Variants in ZNF558 observed in about 807,000 individuals in gnomAD.
The protein encoded by ZNF558 is zinc finger protein 558.
In ZNF558, 23 loss-of-function variants were observed where a neutral mutation model predicts 37.6. The ratio of observed to expected loss-of-function variants is 0.61; its 90% CI spans 0.44 to 0.87. The LOEUF (loss-of-function observed/expected upper bound fraction) is 0.87. Ranked by LOEUF, ZNF558 falls within the 40% of genes least tolerant of loss-of-function variation. The pLI is 0.00. For synonymous variants in ZNF558, 189 were observed against 174.4 expected, an observed-to-expected ratio of 1.08 and a Z score of -0.66; for missense variants, 429 against 483.7, an observed-to-expected ratio of 0.89 and a Z score of 1.06.
intron 2 of ZNF558, among the ~76,000 whole-genome samples, chr19:8,825,867 T>A (rs555450226): frequency 6.6e-6 from 1 of 152,258 alleles, no homozygotes; most frequent in South Asian, 2.1e-4. Flanking sequence ...CTCCCTTACA[T>A]GGCAAAAGGG....
At position 8,809,898 on chromosome 19, in the gene ZNF558, A is replaced by G. The variant is rs968775776; in HGVS notation, c.*1383T>C. The G allele has an allele frequency of 5.9e-5, 9 of 152,192 alleles. No individual in the cohort carries two copies. The highest frequency in any genetic ancestry group is 4.6e-4 in the Admixed American group (7 of 15,276). The allele number at this position is 152,192 out of a possible 1,614,324, so 9.4% of individuals were successfully genotyped here. A position where few individuals can be genotyped will look rare whatever the true frequency, so the allele number is the denominator to read the frequency against. On this transcript the variant is annotated 3_prime_UTR_variant, in exon 10 of 10. Coordinates refer to ENST00000601372, the MANE Select transcript of ZNF558 (RefSeq NM_144693.3). ...CAGTGAAAATTGTGGCCACTCAGTG[A>G]AGAGTTCAGGCTGAGGCATCCTAAC...
chr19:8,826,161 C>G (rs962722506), intron 2 of ZNF558, among the ~76,000 whole-genome samples: 4 of 152,066 alleles, frequency 2.6e-5, no homozygotes, highest in African/African-American at 4.8e-5. Flanking sequence ...GGGTTCTCCC[C>G]TAGAGCCTCT....
At chr19:8,813,354 CT>C in intron 7 of ZNF558, 132 bp from the exon 8 acceptor site, 1 of 686,574 alleles carries the variant, frequency 1.5e-6, no homozygotes, top group Non-Finnish European at 2.5e-6. Context: ...TGCCTTAATT[CT>C]TTTCTTTTTT....
intron 1 of ZNF558, among the ~76,000 whole-genome samples, 189 bp from the exon 2 acceptor site, chr19:8,831,590 G>T (rs1028993647): frequency 1.3e-5 from 2 of 152,202 alleles, no homozygotes; most frequent in Admixed American, 6.5e-5. Context: ...CATCTGCTCC[G>T]TAAGAGGGGA....
chr19:8,828,965 TAAA>T (rs568078273), intron 2 of ZNF558, among the ~76,000 whole-genome samples: 1 of 129,484 alleles, frequency 7.7e-6, no homozygotes, highest in African/African-American at 2.9e-5. Context: ...TCTGTCTCAT[TAAA>T]AAAAAAAAAA....
At chr19:8,830,658 G>C (rs2044329787) in intron 2 of ZNF558, 1 of 152,224 alleles carries the variant, frequency 6.6e-6, no homozygotes, top group Non-Finnish European at 1.5e-5. Flanking sequence ...TTGGGAGGCT[G>C]AGGTGGGCGG....
chr19:8,828,965 TAA>T (rs568078273), intron 2 of ZNF558, among the ~76,000 whole-genome samples: 20 of 129,332 alleles, frequency 1.5e-4, no homozygotes, highest in Admixed American at 1.6e-4. Flanking sequence ...TCTGTCTCAT[TAA>T]AAAAAAAAAA....
intron 9 of ZNF558, 137 bp downstream of exon 9, chr19:8,812,424 T>C: frequency 1.9e-6 from 1 of 528,786 alleles, no homozygotes; most frequent in East Asian, 3.2e-5. Context: ...ATTTTCACAG[T>C]GTCTCTCCAG....
chr19:8,827,436 A>G (rs1283103664), intron 2 of ZNF558, among the ~76,000 whole-genome samples: 1 of 152,138 alleles, frequency 6.6e-6, no homozygotes, highest in Non-Finnish European at 1.5e-5. Context: ...CTTACACTAC[A>G]TGCAAATTGC....
In ZNF558 at chr19:8,822,250, T is replaced by C. The variant is rs1020500868; in HGVS notation, c.32-159A>G. ...ACACCTACCCACAGCTCTCCTAAGA[T>C]ACCCAAACACAGCCCTGTCTCACCA... On this transcript the variant is annotated intron_variant, in intron 5 of 9. Transcript: ENST00000601372. This position sits in a 1 kb window ranked among gnomAD's most constrained non-coding sequence, Gnocchi z 4.4. Among the ~76,000 whole-genome samples, 3 of 152,078 alleles carry C rather than the reference T, an allele frequency of 2.0e-5. No homozygotes were observed. The highest frequency in any genetic ancestry group is 2.9e-5 in the Non-Finnish European group (2 of 68,006).
chr19:8,821,427 T>TGGTTCTGAGCTCACCTCCCAG (rs1286415100), intron 6 of ZNF558, 121 bp from the exon 7 acceptor site: 1 of 1,581,136 alleles, frequency 6.3e-7, no homozygotes, highest in Non-Finnish European at 8.6e-7. Context: ...TTGGGGGGGG[T>TGGTTCTGAGCTCACCTCCCAG]GGTTCTGAGC....
rs753657212 is a variant in ZNF558 at position 8,821,184 on chromosome 19, T to A, written c.243A>T (p.Ser81=). The stretch of plus-strand genomic sequence containing the variant: ...CAGGAATGACATTAGGCTTACCTAG[T>A]GAGGCCAGGTTCCTGCAGTTCTCCA... ...VMLENCRNLA[S]LGCRVNKPSL... is the part of the protein sequence containing the mutation. The change falls in exon 7 of 10, where the codon TCA becomes TCT. Residue 81 remains serine (S), a synonymous_variant. Coordinates refer to ENST00000601372, the MANE Select transcript of ZNF558 (RefSeq NM_144693.3). 26 of 1,613,760 alleles carry A rather than the reference T, an allele frequency of 1.6e-5. No individual in the cohort carries two copies. The highest frequency in any genetic ancestry group is 3.3e-4 in the Middle Eastern group (2 of 6,084).
At chr19:8,820,831 T>C (rs2044067480) in intron 7 of ZNF558, among the ~76,000 whole-genome samples, 1 of 152,178 alleles carries the variant, frequency 6.6e-6, no homozygotes, top group African/African-American at 2.4e-5. Flanking sequence ...CAAAAGGTAA[T>C]GTATTTTGTA....
intron 7 of ZNF558, among the ~76,000 whole-genome samples, chr19:8,813,920 C>G (rs1213858214): frequency 3.9e-5 from 6 of 152,206 alleles, no homozygotes; most frequent in Non-Finnish European, 5.9e-5. Context: ...CCATTCATCA[C>G]TGTACTCCCA....
In ZNF558 at chr19:8,822,159, A is replaced by G. The variant is rs1036970481; in HGVS notation, c.32-68T>C. On this transcript the variant is annotated intron_variant, in intron 5 of 9. Transcript: ENST00000601372. This position sits in a 1 kb window ranked among gnomAD's most constrained non-coding sequence, Gnocchi z 4.4. The stretch of plus-strand genomic sequence containing the variant: ...ACACCCACAGATCTGCCCCTGATTG[A>G]CCACACCCACCTCCCACACCCACAC... The G allele has an allele frequency of 3.1e-6, 5 of 1,588,720 alleles. No homozygotes were observed. Among genetic ancestry groups the G allele is most frequent in the Non-Finnish European group, 4.3e-6 (5 of 1,161,380 alleles).
At chr19:8,831,423 A>G (rs1378339856) in intron 1 of ZNF558, 22 bp from the exon 2 acceptor site, 1 of 151,964 alleles carries the variant, frequency 6.6e-6, no homozygotes, top group Non-Finnish European at 1.5e-5. Context: ...AAAAAGACAC[A>G]AAGATTTCTT....
At chr19:8,823,111 G>A (rs2044135918) in intron 4 of ZNF558, among the ~76,000 whole-genome samples, 1 of 151,922 alleles carries the variant, frequency 6.6e-6, no homozygotes, top group South Asian at 2.1e-4. Flanking sequence ...GAGACCCCCA[G>A]AGTCTCAGGA....
chr19:8,826,767 G>A (rs1229374107), intron 2 of ZNF558, among the ~76,000 whole-genome samples: 1 of 152,174 alleles, frequency 6.6e-6, no homozygotes, highest in East Asian at 1.9e-4. Context: ...CAAGGCAAGA[G>A]GATAAATGTG....
chr19:8,835,751 T>G (rs2044448713), upstream of ZNF558, among the ~76,000 whole-genome samples: 1 of 152,206 alleles, frequency 6.6e-6, no homozygotes, highest in African/African-American at 2.4e-5. Context: ...TTATACATAA[T>G]AGCCCAAAAT....
Sources: gnomAD v4.1 joint callset for allele counts (sites outside exome capture counted in the v4.1 genomes callset) on GRCh38, gnomAD v4.1.1 for gene constraint, Gnocchi (gnomAD v3.1) non-coding constraint, MANE v1.5 for transcripts, NCBI Gene and HGNC (gene_info 2026-07-23, HGNC 2026-07-21) for gene names.